Variants in NBPF11 observed in about 807,000 individuals in gnomAD.
NBPF11 encodes the protein NBPF family member NBPF11.
NBPF11 carries 72 observed loss-of-function variants against 93.9 expected under a neutral mutation model. The ratio of observed to expected loss-of-function variants is 0.77; its 90% CI spans 0.63 to 0.93. The LOEUF (loss-of-function observed/expected upper bound fraction) is 0.93, where lower values mean the gene tolerates loss of function less well. Ranked by LOEUF, NBPF11 falls within the 40% of genes least tolerant of loss-of-function variation. The pLI, the probability that NBPF11 is intolerant of heterozygous loss-of-function variation, is 0.00. For synonymous variants in NBPF11, 224 were observed against 304.9 expected (o/e 0.73, Z 2.76); for missense variants, 705 against 802.2 (o/e 0.88, Z 1.46).
At chr1:148,115,496 A>G (rs1269245407) in intron 14 of NBPF11, among the ~76,000 whole-genome samples, 27 of 151,254 alleles carry the variant, frequency 1.8e-4, no homozygotes, top group Admixed American at 3.3e-4. Context: ...ACTAAATCAC[A>G]GATGACAAGA....
rs1365517759 is a variant in NBPF11 at position 148,149,664 on chromosome 1, C to T, written c.-549+2086G>A. 22 of 1,123,984 alleles carry T rather than the reference C, an allele frequency of 2.0e-5. 1 individual carries two copies. Among genetic ancestry groups the T allele is most frequent in the South Asian group, 1.3e-4 (9 of 68,460 alleles). The allele number at this position is 1,123,984 out of a possible 1,614,324, so 69.6% of individuals were successfully genotyped here. ...GGGGCTGCATGTGGACCCCCCCGGGCGGCCCAGGGGACCCCGCCCCGACCC... is the reference window on the plus strand; with the variant it reads ...GGGGCTGCATGTGGACCCCCCCGGGTGGCCCAGGGGACCCCGCCCCGACCC... On this transcript the variant is annotated intron_variant, in intron 1 of 23. Transcript: ENST00000682118.
intron 1 of NBPF11, chr1:148,146,598 G>A: frequency 1.2e-6 from 2 of 1,609,796 alleles, no homozygotes; most frequent in South Asian, 2.2e-5. Flanking sequence ...GCTGGAAGCT[G>A]CACCTGACGG....
At chr1:148,109,427 C>G in intron 16 of NBPF11, 92 bp from the exon 17 acceptor site, 2 of 867,684 alleles carry the variant, frequency 2.3e-6, no homozygotes, top group South Asian at 2.7e-5. Flanking sequence ...ACAGGGACAT[C>G]AGTCTTGTCA....
Position 148,119,608 on chromosome 1 carries a change from G to C in NBPF11, c.989-886C>G, listed in dbSNP as rs1359036734. ...ACAAGACTCTGTGCCCCAGGAAGCA[G>C]GACTTCACTCTCACCAAGCTACTCT... On this transcript the variant is annotated intron_variant, in intron 10 of 23. Transcript: ENST00000682118. Among the ~76,000 whole-genome samples the C allele has an allele frequency of 5.3e-5, 8 of 151,816 alleles. No homozygotes were observed. The South Asian group carries it at 8.3e-4, about 16-fold the overall frequency.
intron 1 of NBPF11, among the ~76,000 whole-genome samples, chr1:148,151,120 A>G (rs1456765841): frequency 2.6e-5 from 4 of 152,066 alleles, no homozygotes; most frequent in Admixed American, 2.6e-4. Context: ...AGAAAGACAG[A>G]CAGGCACAGA....
At chr1:148,132,253 G>A (rs1340271287) in intron 4 of NBPF11, among the ~76,000 whole-genome samples, 2 of 145,810 alleles carry the variant, frequency 1.4e-5, no homozygotes, top group African/African-American at 5.2e-5. Flanking sequence ...GTGTGTGTGT[G>A]TGGGGGTGTG....
chr1:148,122,451 C>A (rs1394328830), intron 8 of NBPF11, among the ~76,000 whole-genome samples, 185 bp from the exon 9 acceptor site: 2 of 152,056 alleles, frequency 1.3e-5, no homozygotes, highest in Non-Finnish European at 2.9e-5. Flanking sequence ...GCCATGGGAG[C>A]CAGAGAGGAA....
chr1:148,106,378 A>T lies in NBPF11; in HGVS notation c.2252-146T>A. 5 of 676,050 alleles carry T rather than the reference A, an allele frequency of 7.4e-6. No homozygotes were observed. In the South Asian group the frequency reaches 8.3e-5, roughly 11 times the overall value. The allele number at this position is 676,050 out of a possible 1,614,324, so 41.9% of individuals were successfully genotyped here. A position where few individuals can be genotyped will look rare whatever the true frequency, so the allele number is the denominator to read the frequency against. The stretch of plus-strand genomic sequence containing the variant: ...AGGGATATACTTCAGGAGGCCTGAA[A>T]GCTGGTCATGATATTCTTTGGTTTG... On this transcript the variant is annotated intron_variant, in intron 20 of 23. Coordinates refer to ENST00000682118, the MANE Select transcript of NBPF11 (RefSeq NM_001385469.3).
At chr1:148,105,745 CAA>C (rs1190644076) in intron 21 of NBPF11, among the ~76,000 whole-genome samples, 3 of 97,062 alleles carry the variant, frequency 3.1e-5, no homozygotes, top group Admixed American at 1.0e-4. Flanking sequence ...CACACACACA[CAA>C]ACACACACAC....
intron 4 of NBPF11, among the ~76,000 whole-genome samples, chr1:148,129,234 C>A (rs1259744019): frequency 7.0e-6 from 1 of 143,044 alleles, no homozygotes; most frequent in East Asian, 2.0e-4. Flanking sequence ...ATTATATATA[C>A]GTGTATATAC....
chr1:148,127,053 C>G lies in NBPF11; in HGVS notation c.-35-15G>C, dbSNP rs1348283382. ...GGAGTCAGGGACTGGGGAGAAGAAA[C>G]CCAAACATATGATGGGTTAAAAACT... is the stretch of plus-strand genomic sequence containing the variant. On this transcript the variant is annotated splice_polypyrimidine_tract_variant and intron_variant, in intron 4 of 23. Coordinates refer to ENST00000682118, the MANE Select transcript of NBPF11 (RefSeq NM_001385469.3). The G allele has an allele frequency of 7.1e-6, 4 of 560,398 alleles. No individual in the cohort carries two copies. Among genetic ancestry groups the G allele is most frequent in the Admixed American group, 3.2e-5 (1 of 31,166 alleles). The allele number at this position is 560,398 out of a possible 1,614,324, so 34.7% of individuals were successfully genotyped here. A position where few individuals can be genotyped will look rare whatever the true frequency, so the allele number is the denominator to read the frequency against.
chr1:148,107,352 G>T (rs1470890713), intron 19 of NBPF11, among the ~76,000 whole-genome samples: 1 of 150,758 alleles, frequency 6.6e-6, no homozygotes, highest in Non-Finnish European at 1.5e-5. Context: ...CAGCGAATTG[G>T]CCGGGTGACA....
At chr1:148,122,606 T>C in intron 8 of NBPF11, 123 bp downstream of exon 8, 1 of 1,422,376 alleles carries the variant, frequency 7.0e-7, no homozygotes, top group Non-Finnish European at 9.9e-7. Flanking sequence ...CTGGGTTGAA[T>C]TTCACATACT....
At chr1:148,122,675 T>C in intron 8 of NBPF11, 54 bp downstream of exon 8, 1 of 1,602,132 alleles carries the variant, frequency 6.2e-7, no homozygotes, top group Non-Finnish European at 8.5e-7. Flanking sequence ...GCGTGCCTCC[T>C]AGACATTTTC....
intron 13 of NBPF11, 100 bp from the exon 14 acceptor site, chr1:148,116,098 G>C (rs1666463520): frequency 6.9e-6 from 6 of 865,772 alleles, no homozygotes; most frequent in Middle Eastern, 3.4e-4. Context: ...TTAAGAGAGT[G>C]GTCCCAGAAA....
At chr1:148,126,243 C>T (rs1350364771) in intron 5 of NBPF11, among the ~76,000 whole-genome samples, 2 of 152,098 alleles carry the variant, frequency 1.3e-5, no homozygotes, top group South Asian at 2.1e-4. Flanking sequence ...TCGTCCTCTG[C>T]CCGCCTCAGC....
chr1:148,125,347 G>C (rs1668864781), intron 5 of NBPF11, among the ~76,000 whole-genome samples: 1 of 151,860 alleles, frequency 6.6e-6, no homozygotes, highest in South Asian at 2.1e-4. Context: ...CACTGCACTG[G>C]GGCATGAAGT....
chr1:148,107,438 T>G (rs1353177802), intron 19 of NBPF11, among the ~76,000 whole-genome samples: 337 of 150,334 alleles, frequency 2.2e-3, no homozygotes, highest in African/African-American at 7.9e-3. Context: ...ATGAAAAGAG[T>G]GGGCTCAATA....
chr1:148,103,574 T>A lies in NBPF11; in HGVS notation c.*322A>T. 5 of 1,603,272 alleles carry A rather than the reference T, an allele frequency of 3.1e-6. No homozygotes were observed. Among genetic ancestry groups the A allele is most frequent in the East Asian group, 2.2e-5 (1 of 44,774 alleles). On this transcript the variant is annotated 3_prime_UTR_variant, in exon 24 of 24. Coordinates refer to ENST00000682118, the MANE Select transcript of NBPF11 (RefSeq NM_001385469.3). ...CATGCCCACTGACCCATCCTATGTC[T>A]GGGCTTCCAAATGGAACTATAGTTT... is the stretch of plus-strand genomic sequence containing the variant.
Sources: allele counts gnomAD v4.1 joint callset (sites outside exome capture counted in the v4.1 genomes callset), GRCh38; gene constraint gnomAD v4.1.1; transcripts MANE v1.5; gene names NCBI Gene and HGNC (gene_info 2026-07-23, HGNC 2026-07-21).